The following KAZN variants were observed in gnomAD, a reference collection of about 807,000 sequenced individuals.
KAZN encodes the protein kazrin.
In KAZN, 40 loss-of-function variants were observed where a neutral mutation model predicts 87.4. The ratio of observed to expected loss-of-function variants is 0.46; its 90% confidence interval spans 0.36 to 0.60. KAZN has a LOEUF of 0.60. Ranked by LOEUF, KAZN falls within the 20% of genes least tolerant of loss-of-function variation. The probability of loss-of-function intolerance (pLI) is 0.00; values close to 1 mark genes in which losing one functional copy is unlikely to be tolerated. For missense variants in KAZN, 898 were observed against 1,073.9 expected, an observed-to-expected ratio of 0.84 and a Z score of 2.29; for synonymous variants, 466 against 458.3, an observed-to-expected ratio of 1.02 and a Z score of -0.22.
At chr1:14,565,833 A>G (rs1242363074) in intron 2 of KAZN, among the ~76,000 whole-genome samples, 1 of 152,206 alleles carries the variant, frequency 6.6e-6, no homozygotes, top group Non-Finnish European at 1.5e-5. Flanking sequence ...CCAGTAATTC[A>G]GTCACATCTT....
Position 15,066,989 on chromosome 1 carries a change from G to A in KAZN, c.1222+1236G>A, listed in dbSNP as rs1398433895. ...GTCCCCTTCTTTGGGTCTGTCTTTTGAGAGAGGTTGAGTTCAGGGCAAGAC... is the reference window on the plus strand; with the variant it reads ...GTCCCCTTCTTTGGGTCTGTCTTTTAAGAGAGGTTGAGTTCAGGGCAAGAC... On this transcript the variant is annotated intron_variant, in intron 8 of 14. Transcript: ENST00000376030. The surrounding 1 kb of genome is among the most constrained non-coding windows in gnomAD (Gnocchi z 4.3). 1 of 985,396 alleles carries A rather than the reference G, an allele frequency of 1.0e-6. No individual in the cohort carries two copies. The highest frequency in any genetic ancestry group is 1.1e-4 in the East Asian group (1 of 8,826). 61.0% of individuals were successfully genotyped at this position (985,396 alleles called of 1,614,324 possible).
rs1667860616 is a variant in KAZN, at chr1:14,996,379, C to T, written c.418+35504C>T. ...TTAACATATTGGGTTGCTTGGCTGT[C>T]CCGGCACATCATGGGGGCCTCAGAG... On this transcript the variant is annotated intron_variant, in intron 2 of 14. Transcript: ENST00000376030. This position sits in a 1 kb window ranked among gnomAD's most constrained non-coding sequence, Gnocchi z 5.9. Among the ~76,000 whole-genome samples the T allele has an allele frequency of 6.6e-6, 1 of 152,096 alleles. No individual in the cohort carries two copies. Among genetic ancestry groups the T allele is most frequent in the South Asian group, 2.1e-4 (1 of 4,824 alleles).
chr1:14,554,453 T>A (rs1339952863), intron 2 of KAZN, among the ~76,000 whole-genome samples: 3 of 152,168 alleles, frequency 2.0e-5, no homozygotes, highest in African/African-American at 7.2e-5. Context: ...TTCTAGGAAA[T>A]GTGGCAAAAT....
chr1:13,929,659 G>A (rs1454297784), intron 1 of KAZN, among the ~76,000 whole-genome samples: 1 of 152,172 alleles, frequency 6.6e-6, no homozygotes, highest in African/African-American at 2.4e-5. Context: ...AACTAATTGG[G>A]AAGAAACTGG....
intron 1 of KAZN, among the ~76,000 whole-genome samples, chr1:14,174,317 A>G (rs1478994691): frequency 6.6e-6 from 1 of 152,202 alleles, no homozygotes; most frequent in African/African-American, 2.4e-5. Context: ...AGGGCAAGGC[A>G]AACCCAGGGA....
intron 1 of KAZN, among the ~76,000 whole-genome samples, chr1:14,700,655 G>T (rs1368762017): frequency 6.6e-6 from 1 of 152,012 alleles, no homozygotes; most frequent in African/African-American, 2.4e-5. Context: ...AATGTCAGTG[G>T]CATGGAAGTT....
rs185721673 is a variant in KAZN, at chr1:14,103,162, C to T, written c.92-77273C>T. On this transcript the variant is annotated intron_variant, in intron 1 of 16. Coordinates refer to the KAZN transcript ENST00000636203. ...TCTCGAACTCCTGGCCTCAAGTGAT[C>T]GGCCCGTCTTGATCTCTCAAAGTGC... 1.9e-3 allele frequency among the ~76,000 whole-genome samples: 284 copies of T among 152,246 alleles called. 1 individual carries two copies. The Middle Eastern group carries it at 0.02, about 11-fold the overall frequency.
chr1:14,666,177 G>C (rs1264278644), intron 1 of KAZN, among the ~76,000 whole-genome samples: 3 of 151,904 alleles, frequency 2.0e-5, no homozygotes, highest in Admixed American at 2.0e-4. Context: ...GTCTCAGCGA[G>C]GATCTGTGTA....
At chr1:13,896,804 T>C (rs751231705) in intron 1 of KAZN, among the ~76,000 whole-genome samples, 1 of 152,208 alleles carries the variant, frequency 6.6e-6, no homozygotes, top group African/African-American at 2.4e-5. Flanking sequence ...AAAAAGTTGA[T>C]TTCCAGAAAT....
chr1:14,137,845 A>G (rs2101754792), intron 1 of KAZN, among the ~76,000 whole-genome samples: 1 of 151,288 alleles, frequency 6.6e-6, no homozygotes, highest in East Asian at 2.0e-4. Context: ...AGTAGCTGGG[A>G]TTACAGGCTT....
At chr1:13,936,434 T>C (rs1453937272) in intron 1 of KAZN, among the ~76,000 whole-genome samples, 2 of 152,044 alleles carry the variant, frequency 1.3e-5, no homozygotes, top group African/African-American at 4.8e-5. Context: ...GGATATATTG[T>C]GTAGTGGTAA....
intron 2 of KAZN, among the ~76,000 whole-genome samples, chr1:14,419,214 C>G (rs1266491067): frequency 1.3e-5 from 2 of 152,212 alleles, no homozygotes; most frequent in East Asian, 3.8e-4. Flanking sequence ...TGTGAGGACA[C>G]TGTTCCTGCT....
At chr1:14,791,910 G>A (rs1645686439) in intron 1 of KAZN, among the ~76,000 whole-genome samples, 2 of 152,248 alleles carry the variant, frequency 1.3e-5, no homozygotes, top group South Asian at 4.1e-4. Context: ...CAGCAGTGGG[G>A]ATGGGACTTG....
At chr1:14,152,967 C>T (rs1338143337) in intron 1 of KAZN, among the ~76,000 whole-genome samples, 1 of 152,080 alleles carries the variant, frequency 6.6e-6, no homozygotes, top group Non-Finnish European at 1.5e-5. Context: ...TTTCATATAC[C>T]TGTTTGCCAT....
chr1:14,081,437 C>G (rs189500363), intron 1 of KAZN, among the ~76,000 whole-genome samples: 1 of 152,210 alleles, frequency 6.6e-6, no homozygotes, highest in Non-Finnish European at 1.5e-5. Context: ...TGATTTAAAT[C>G]ACGAGTATGG....
At chr1:15,016,866 G>A (rs755686742) in intron 2 of KAZN, among the ~76,000 whole-genome samples, 7 of 152,136 alleles carry the variant, frequency 4.6e-5, no homozygotes, top group Admixed American at 2.0e-4. Context: ...CGCCACCGGC[G>A]GCCCAGGATT....
chr1:14,570,935 G>C (rs774798422), intron 2 of KAZN, among the ~76,000 whole-genome samples: 2 of 152,068 alleles, frequency 1.3e-5, no homozygotes, highest in Non-Finnish European at 2.9e-5. Flanking sequence ...CCTGACCTCT[G>C]AATCCTTACC....
At chr1:14,549,672 T>TCCACCC (rs1673385587) in intron 2 of KAZN, among the ~76,000 whole-genome samples, 1 of 138,264 alleles carries the variant, frequency 7.2e-6, no homozygotes, top group Non-Finnish European at 1.6e-5. Flanking sequence ...CAATAGGTAA[T>TCCACCC]CCACCCCCAC....
chr1:14,534,424 C>G (rs773911288), intron 2 of KAZN, among the ~76,000 whole-genome samples: 1 of 152,162 alleles, frequency 6.6e-6, no homozygotes, highest in Admixed American at 6.5e-5. Context: ...GCAGGCAGAT[C>G]GCCTGAGGTC....
Sources: gnomAD v4.1 joint callset for allele counts (sites outside exome capture counted in the v4.1 genomes callset) on GRCh38, gnomAD v4.1.1 for gene constraint, Gnocchi (gnomAD v3.1) non-coding constraint, MANE v1.5 for transcripts, NCBI Gene and HGNC (gene_info 2026-07-23, HGNC 2026-07-21) for gene names.